The following GRID2 variants were observed in gnomAD, a reference collection of about 807,000 sequenced individuals.
The protein encoded by GRID2 is glutamate receptor ionotropic, delta-2.
A neutral mutation model predicts 114.8 loss-of-function variants in GRID2; 33 were observed. The observed-to-expected ratio is 0.29, with a 90% confidence interval of 0.22 to 0.38. GRID2 has a LOEUF of 0.38. GRID2 is among the 10% of genes least tolerant of loss of function. The probability of loss-of-function intolerance (pLI) is 1.00; values close to 1 mark genes in which losing one functional copy is unlikely to be tolerated. For synonymous variants in GRID2, 505 were observed against 449.9 expected, an observed-to-expected ratio of 1.12 and a Z score of -1.55; for missense variants, 1,184 against 1,257.7, an observed-to-expected ratio of 0.94 and a Z score of 0.89.
intron 2 of GRID2, among the ~76,000 whole-genome samples, chr4:92,920,697 G>C (rs1345062914): frequency 2.6e-5 from 4 of 152,184 alleles, no homozygotes; most frequent in African/African-American, 9.7e-5. Context: ...CTGGCTTGTA[G>C]AGTTTCTGCG....
intron 2 of GRID2, among the ~76,000 whole-genome samples, chr4:93,016,861 T>C (rs1237151691): frequency 1.3e-5 from 2 of 152,190 alleles, no homozygotes; most frequent in Admixed American, 1.3e-4. Context: ...AGTTATCACA[T>C]TATTAGGTTT....
At chr4:93,023,655 G>A (rs529253789) in intron 2 of GRID2, among the ~76,000 whole-genome samples, 2 of 151,868 alleles carry the variant, frequency 1.3e-5, no homozygotes, top group South Asian at 2.1e-4. Flanking sequence ...TTGAGGACAG[G>A]GCTAAGACAT....
At chr4:93,633,578 C>T (rs1198255564) in intron 14 of GRID2, among the ~76,000 whole-genome samples, 1 of 152,146 alleles carries the variant, frequency 6.6e-6, no homozygotes, top group Non-Finnish European at 1.5e-5. Context: ...CATTTACTTA[C>T]AGCCAGATAA....
chr4:92,511,274 A>G (rs1330114707), intron 1 of GRID2, among the ~76,000 whole-genome samples: 1 of 151,702 alleles, frequency 6.6e-6, no homozygotes, highest in Non-Finnish European at 1.5e-5. Context: ...AGCCCACTTT[A>G]ACAACTAGAT....
chr4:92,444,294 G>A (rs989962147), intron 1 of GRID2, among the ~76,000 whole-genome samples: 9 of 152,174 alleles, frequency 5.9e-5, no homozygotes, highest in East Asian at 1.9e-4. Context: ...GGCTGAGTCC[G>A]TAAAGAGAGT....
chr4:92,992,136 C>G (rs1754943672), intron 2 of GRID2, among the ~76,000 whole-genome samples: 1 of 152,068 alleles, frequency 6.6e-6, no homozygotes, highest in East Asian at 1.9e-4. Flanking sequence ...ACTGGGTTGC[C>G]TGTAAGACCA....
chr4:93,619,454 CA>C (rs1409030388), intron 13 of GRID2, among the ~76,000 whole-genome samples: 16 of 152,210 alleles, frequency 1.1e-4, no homozygotes, highest in African/African-American at 3.6e-4. Flanking sequence ...CTGTGATTCA[CA>C]ATCACATTAT....
intron 2 of GRID2, among the ~76,000 whole-genome samples, chr4:92,670,205 T>C (rs1732991185): frequency 6.6e-6 from 1 of 152,106 alleles, no homozygotes; most frequent in Non-Finnish European, 1.5e-5. Flanking sequence ...TCTTTGTTAA[T>C]GGAATTTTCA....
intron 2 of GRID2, among the ~76,000 whole-genome samples, chr4:92,996,760 C>A (rs1358404519): frequency 6.6e-6 from 1 of 152,056 alleles, no homozygotes; most frequent in African/African-American, 2.4e-5. Flanking sequence ...CTTCTGGCAC[C>A]CGTTGGAGCA....
chr4:92,624,148 A>G (rs1730408923), intron 2 of GRID2, among the ~76,000 whole-genome samples: 1 of 151,852 alleles, frequency 6.6e-6, no homozygotes, highest in Non-Finnish European at 1.5e-5. Flanking sequence ...TACATTCTTC[A>G]TATGTATTAA....
chr4:93,166,633 T>G (rs1222067187), intron 4 of GRID2, among the ~76,000 whole-genome samples: 1 of 152,174 alleles, frequency 6.6e-6, no homozygotes, highest in African/African-American at 2.4e-5. Context: ...TAACAATCAC[T>G]GCTTTATGAG....
In GRID2 at chr4:92,879,353, T is replaced by A. The variant is rs78808704; in HGVS notation, c.245-205642T>A. Among the ~76,000 whole-genome samples, 8 of 152,236 alleles carry A rather than the reference T, an allele frequency of 5.3e-5. No homozygotes were observed. In the East Asian group the frequency reaches 1.5e-3, roughly 29 times the overall value. On this transcript the variant is annotated intron_variant, in intron 2 of 15. Coordinates refer to ENST00000282020, the MANE Select transcript of GRID2 (RefSeq NM_001510.4). ...CCAAAATAGTACTTCTTCATAGGCA[T>A]CAGACTGAGAAAGGAAAAAATGAAA...
At chr4:93,545,930 G>C (rs1733169261) in intron 13 of GRID2, among the ~76,000 whole-genome samples, 1 of 152,238 alleles carries the variant, frequency 6.6e-6, no homozygotes, top group African/African-American at 2.4e-5. Flanking sequence ...CGATTTGAAA[G>C]AGAATATAAA....
At chr4:93,596,947 C>T (rs1435418844) in intron 13 of GRID2, among the ~76,000 whole-genome samples, 10 of 152,052 alleles carry the variant, frequency 6.6e-5, no homozygotes, top group Admixed American at 1.3e-4. Flanking sequence ...TTTTGATATT[C>T]GGCATTTTGA....
chr4:93,672,074 C>T (rs1403933254), intron 14 of GRID2, among the ~76,000 whole-genome samples: 2 of 152,170 alleles, frequency 1.3e-5, no homozygotes, highest in Admixed American at 6.6e-5. Context: ...TTTCAAGTCC[C>T]CTTTCTGACC....
intron 12 of GRID2, among the ~76,000 whole-genome samples, chr4:93,508,553 G>T (rs1374618026): frequency 6.6e-6 from 1 of 152,040 alleles, no homozygotes. Flanking sequence ...CTGTAGAATG[G>T]CTAATAATAT....
At chr4:93,707,457 A>T (rs946869884) in intron 14 of GRID2, among the ~76,000 whole-genome samples, 2 of 151,848 alleles carry the variant, frequency 1.3e-5, no homozygotes, top group African/African-American at 4.8e-5. Context: ...AAATTTATCT[A>T]TTTCTTCCAG....
intron 14 of GRID2, among the ~76,000 whole-genome samples, chr4:93,655,038 C>T (rs962893581): frequency 1.4e-4 from 21 of 152,128 alleles, no homozygotes; most frequent in African/African-American, 5.1e-4. Context: ...CATTTGGCTG[C>T]TCTTTTCTCT....
In GRID2 at chr4:92,304,696, TG is replaced by T; in HGVS notation, c.42del (p.Trp14CysfsTer54). ...FPFLLVLSVW[W>X]SRTWDSANAD... is the part of the protein sequence containing the mutation. ...CTTTCTCTTGGTTTTGTCCGTCTGG[TG>T]GTCTCGAACCTGGGACTCGGCGAAT... On this transcript the variant is annotated frameshift_variant, in exon 1 of 16. Coordinates refer to ENST00000282020, the MANE Select transcript of GRID2 (RefSeq NM_001510.4). LOFTEE classifies it high-confidence loss of function. The T allele has an allele frequency of 6.2e-7, 1 of 1,613,838 alleles. No homozygotes were observed. Among genetic ancestry groups the T allele is most frequent in the Non-Finnish European group, 8.5e-7 (1 of 1,179,716 alleles).
Sources: gnomAD v4.1 joint callset for allele counts (sites outside exome capture counted in the v4.1 genomes callset) on GRCh38, gnomAD v4.1.1 for gene constraint, MANE v1.5 for transcripts, NCBI Gene and HGNC (gene_info 2026-07-23, HGNC 2026-07-21) for gene names.